CSTF3: variants seen among roughly 807,000 people sequenced by gnomAD.
CSTF3 encodes the protein cleavage stimulation factor subunit 3.
Under a neutral mutation model 105.8 loss-of-function variants are expected in CSTF3, and 29 were observed. That is an observed-to-expected ratio of 0.27 (90% CI 0.20 to 0.37). CSTF3 has a LOEUF of 0.37. Among genes scored for constraint, CSTF3 ranks in the 10% least tolerant of loss-of-function variants. The probability of loss-of-function intolerance (pLI) is 1.00; values close to 1 mark genes in which losing one functional copy is unlikely to be tolerated. For missense variants in CSTF3, 357 were observed against 879.3 expected (o/e 0.41, Z 7.51); for synonymous variants, 252 against 281.9 (o/e 0.89, Z 1.06).
At chr11:33,140,659 G>C (rs1855701143) in intron 3 of CSTF3, among the ~76,000 whole-genome samples, 2 of 151,978 alleles carry the variant, frequency 1.3e-5, no homozygotes, top group Non-Finnish European at 2.9e-5. Flanking sequence ...CCTTTGAATA[G>C]GTCCAAAACA....
chr11:33,137,811 C>G (rs530315273), intron 3 of CSTF3, among the ~76,000 whole-genome samples: 3 of 151,530 alleles, frequency 2.0e-5, no homozygotes, highest in Admixed American at 6.6e-5. Flanking sequence ...ATAGAAATCA[C>G]CATAATCTAT....
At position 33,099,316 on chromosome 11, in the gene CSTF3, T is replaced by C. The variant is rs1189729035; in HGVS notation, c.937-166A>G. Among the ~76,000 whole-genome samples the C allele has an allele frequency of 9.9e-5, 15 of 152,214 alleles. No homozygotes were observed. Among genetic ancestry groups the C allele is most frequent in the Non-Finnish European group, 1.9e-4 (13 of 68,030 alleles). ...ACACACACACATACATAAACACATA[T>C]GCATTTCTGGATTCTAAAAAAATTC... On this transcript the variant is annotated intron_variant, in intron 11 of 20. Coordinates refer to ENST00000323959, the MANE Select transcript of CSTF3 (RefSeq NM_001326.3). The surrounding 1 kb of genome is among the most constrained non-coding windows in gnomAD (Gnocchi z 4.1).
Position 33,096,894 on chromosome 11 carries a change from T to A in CSTF3, c.1213A>T (p.Thr405Ser). 1 of 1,613,676 alleles carries A rather than the reference T, an allele frequency of 6.2e-7. No individual in the cohort carries two copies. Among genetic ancestry groups the A allele is most frequent in the Non-Finnish European group, 8.5e-7 (1 of 1,179,704 alleles). Residue 405 changes from threonine to serine, a missense_variant, in exon 14 of 21, where the codon ACC (threonine) becomes TCC (serine). Thr to Ser is a moderately conservative substitution (Grantham distance 58). Transcript: ENST00000323959. ...RMIFKKARED[T>S]RTRHHVYVTA... Reference sequence around the variant, plus strand: ...ACATAGACATGGTGGCGGGTTCTGGTATCTTCTCTTGCTTTTTTAAATATC... The same window carrying A: ...ACATAGACATGGTGGCGGGTTCTGGAATCTTCTCTTGCTTTTTTAAATATC...
intron 3 of CSTF3, among the ~76,000 whole-genome samples, chr11:33,127,650 CAG>C (rs138379694): frequency 1.6e-3 from 248 of 152,298 alleles, no homozygotes; most frequent in Non-Finnish European, 3.1e-3. Flanking sequence ...TTTTCTGAGA[CAG>C]AGTCTTGCTC....
At chr11:33,151,617 G>A (rs1855861082) in intron 1 of CSTF3, among the ~76,000 whole-genome samples, 2 of 152,132 alleles carry the variant, frequency 1.3e-5, no homozygotes, top group Admixed American at 1.3e-4. Context: ...ACTTTGGATT[G>A]TTTCCAGTTT....
At chr11:33,121,060 A>G (rs1245890076) in intron 3 of CSTF3, among the ~76,000 whole-genome samples, 2 of 152,014 alleles carry the variant, frequency 1.3e-5, no homozygotes, top group Non-Finnish European at 2.9e-5. Flanking sequence ...AATCAATTCC[A>G]TTTTCCATTA....
chr11:33,144,177 C>T (rs1264403392), intron 1 of CSTF3, among the ~76,000 whole-genome samples: 1 of 151,710 alleles, frequency 6.6e-6, no homozygotes, highest in Non-Finnish European at 1.5e-5. Context: ...TCAGTCAAAA[C>T]ACCAGTTTGG....
intron 3 of CSTF3, among the ~76,000 whole-genome samples, chr11:33,116,892 C>G (rs1855436052): frequency 6.7e-6 from 1 of 150,260 alleles, no homozygotes; most frequent in African/African-American, 2.4e-5. Flanking sequence ...GGAGAGAAAA[C>G]CAGTAATGTA....
chr11:33,122,928 A>AAAAAAAGAAAAG (rs1254027236), intron 3 of CSTF3, among the ~76,000 whole-genome samples: 11 of 150,608 alleles, frequency 7.3e-5, no homozygotes, highest in Non-Finnish European at 1.3e-4. Context: ...AAAAAAAAAA[A>AAAAAAAGAAAAG]AAAAAAGAAA....
chr11:33,096,719 T>G (rs1855226764), intron 14 of CSTF3, 116 bp downstream of exon 14: 1 of 980,088 alleles, frequency 1.0e-6, no homozygotes, highest in Non-Finnish European at 1.5e-6. Context: ...ACACTTAGAC[T>G]GCCTTTACAA....
At chr11:33,103,992 TA>T (rs1170113275) in intron 8 of CSTF3, among the ~76,000 whole-genome samples, 1 of 152,026 alleles carries the variant, frequency 6.6e-6, no homozygotes, top group Non-Finnish European at 1.5e-5. Context: ...TCTGGCTAAT[TA>T]AAAAAATTTT....
intron 20 of CSTF3, 124 bp from the exon 21 acceptor site, chr11:33,085,413 A>G: frequency 3.8e-6 from 3 of 785,086 alleles, no homozygotes; most frequent in Non-Finnish European, 5.8e-6. Flanking sequence ...TACTACTGAT[A>G]CTAAATAATT....
chr11:33,135,257 T>C (rs1259137923), intron 3 of CSTF3, among the ~76,000 whole-genome samples: 1 of 152,162 alleles, frequency 6.6e-6, no homozygotes, highest in African/African-American at 2.4e-5. Context: ...AGTTACAATA[T>C]ACTAAGCACA....
At chr11:33,122,238 G>A (rs563633451) in intron 3 of CSTF3, among the ~76,000 whole-genome samples, 1 of 152,298 alleles carries the variant, frequency 6.6e-6, no homozygotes, top group Non-Finnish European at 1.5e-5. Flanking sequence ...AATGTTTACT[G>A]TTAATAGAAT....
rs191940869 is a variant in CSTF3 at position 33,100,279 on chromosome 11, C to T, written c.827-562G>A. ...CTGAGGCAGGAGAATGGCATGAACC[C>T]GGGAGGCACAGCTTGCAGTGAGTGG... On this transcript the variant is annotated intron_variant, in intron 10 of 20. Transcript: ENST00000323959. Among the ~76,000 whole-genome samples the T allele has an allele frequency of 1.8e-4, 27 of 150,216 alleles. 1 individual carries two copies. Among genetic ancestry groups the T allele is most frequent in the African/African-American group, 6.1e-4 (25 of 40,984 alleles).
rs1275883494 is a variant in CSTF3 at position 33,103,115 on chromosome 11, C to T, written c.655G>A (p.Val219Ile). The change falls in exon 9 of 21, where the codon GTA becomes ATA. Residue 219 changes from valine (V) to isoleucine (I), a missense_variant. Val to Ile is a conservative substitution (Grantham distance 29). Coordinates refer to ENST00000323959, the MANE Select transcript of CSTF3 (RefSeq NM_001326.3). ...CTGATGGAATTCCATACCTTTGCTA[C>T]ACGTCTAGCATTCATATAATCTCTA... ...RSRDYMNARR[V>I]AKEYETVMKG... 1.9e-6 allele frequency: 3 copies of T among 1,561,990 alleles called. No individual in the cohort carries two copies. The highest frequency in any genetic ancestry group is 2.6e-6 in the Non-Finnish European group (3 of 1,152,592).
chr11:33,157,318 G>A (rs1849879785), intron 1 of CSTF3, among the ~76,000 whole-genome samples: 3 of 152,126 alleles, frequency 2.0e-5, no homozygotes, highest in African/African-American at 2.4e-5. Context: ...CCGTGCCACT[G>A]CACTCCAGCC....
intron 3 of CSTF3, among the ~76,000 whole-genome samples, chr11:33,136,596 T>C (rs11032156): frequency 0.21 from 31,484 of 151,872 alleles, 3,895 homozygotes; most frequent in East Asian, 0.35. Context: ...CCTTTTGTTT[T>C]ATAAAGGAAA....
chr11:33,126,484 A>T (rs1240635130), intron 3 of CSTF3, among the ~76,000 whole-genome samples: 1 of 152,130 alleles, frequency 6.6e-6, no homozygotes, highest in Non-Finnish European at 1.5e-5. Context: ...CTCTTATGTT[A>T]TACATCAACA....
Sources: allele counts gnomAD v4.1 joint callset (sites outside exome capture counted in the v4.1 genomes callset), GRCh38; gene constraint gnomAD v4.1.1; non-coding constraint Gnocchi (gnomAD v3.1); transcripts MANE v1.5; gene names NCBI Gene and HGNC (gene_info 2026-07-23, HGNC 2026-07-21).